The following RAP1GDS1 variants were observed in gnomAD, a reference collection of about 807,000 sequenced individuals.
The protein encoded by RAP1GDS1 is Rap1 GTPase-GDP dissociation stimulator 1.
RAP1GDS1 carries 35 observed loss-of-function variants against 71.1 expected under a neutral mutation model. That is an observed-to-expected ratio of 0.49 (90% CI 0.38 to 0.65). RAP1GDS1 has a LOEUF of 0.65. Ranked by LOEUF, RAP1GDS1 falls within the 30% of genes least tolerant of loss-of-function variation. RAP1GDS1 has a pLI of 0.00. For missense variants in RAP1GDS1, 663 were observed against 706.1 expected, an observed-to-expected ratio of 0.94 and a Z score of 0.69; for synonymous variants, 229 against 243.1, an observed-to-expected ratio of 0.94 and a Z score of 0.54.
intron 2 of RAP1GDS1, among the ~76,000 whole-genome samples, chr4:98,327,230 ATT>A (rs901736613): frequency 3.3e-5 from 5 of 152,214 alleles, no homozygotes; most frequent in Non-Finnish European, 7.3e-5. Flanking sequence ...CAGAAATGAT[ATT>A]TAGGAATAGG....
intron 3 of RAP1GDS1, among the ~76,000 whole-genome samples, chr4:98,352,016 A>ATATATT (rs1371692784): frequency 6.7e-6 from 1 of 150,254 alleles, no homozygotes; most frequent in Non-Finnish European, 1.5e-5. Context: ...ATATTTATAT[A>ATATATT]TATATTTATA....
intron 3 of RAP1GDS1, among the ~76,000 whole-genome samples, chr4:98,349,451 C>T (rs1259544987): frequency 1.3e-5 from 2 of 152,088 alleles, no homozygotes; most frequent in Non-Finnish European, 2.9e-5. Flanking sequence ...GCAATGTGGG[C>T]TCTTTTTTGG....
At chr4:98,265,793 ATAGT>A (rs1210002349) in intron 1 of RAP1GDS1, among the ~76,000 whole-genome samples, 1 of 152,126 alleles carries the variant, frequency 6.6e-6, no homozygotes, top group Non-Finnish European at 1.5e-5. Flanking sequence ...GAAAGAGTGA[ATAGT>A]TAATAAGGTC....
chr4:98,409,034 G>C (rs1298115739), intron 7 of RAP1GDS1, among the ~76,000 whole-genome samples: 3 of 151,960 alleles, frequency 2.0e-5, no homozygotes, highest in Non-Finnish European at 4.4e-5. Context: ...GTGCATTAAA[G>C]AGAATAAAAG....
intron 2 of RAP1GDS1, among the ~76,000 whole-genome samples, chr4:98,328,685 A>G (rs1473607438): frequency 2.0e-5 from 3 of 152,102 alleles, no homozygotes; most frequent in Admixed American, 6.5e-5. Flanking sequence ...ATCGTGATTT[A>G]TTTATTTAAT....
chr4:98,440,690 GTGT>G (rs373996919), intron 14 of RAP1GDS1, among the ~76,000 whole-genome samples: 30 of 151,984 alleles, frequency 2.0e-4, no homozygotes, highest in Admixed American at 1.4e-3. Context: ...GAATTGAAGG[GTGT>G]TGTTGTTGTT....
At chr4:98,397,693 G>T (rs1744749153) in intron 6 of RAP1GDS1, among the ~76,000 whole-genome samples, 1 of 152,204 alleles carries the variant, frequency 6.6e-6, no homozygotes. Context: ...ATGGCATCAA[G>T]ATTTCTAGAC....
chr4:98,418,773 A>G lies in RAP1GDS1; in HGVS notation c.1156A>G (p.Arg386Gly). Residue 386 changes from arginine (R) to glycine (G), a missense_variant, in exon 10 of 15, where the codon AGA becomes GGA. Physicochemically the swap from Arg to Gly is moderately radical, Grantham distance 125. Transcript: ENST00000408927. ...TVQHAALSAL[R>G]NLAIPVINKA... ...ACAGCATGCAGCACTAAGTGCCCTC[A>G]GAAACCTGGCCATTCCAGGTAAGAC... 5.0e-6 allele frequency: 8 copies of G among 1,596,690 alleles called. No individual in the cohort carries two copies. Among genetic ancestry groups the G allele is most frequent in the Non-Finnish European group, 6.8e-6 (8 of 1,173,236 alleles).
intron 1 of RAP1GDS1, among the ~76,000 whole-genome samples, chr4:98,264,269 G>T (rs1170668765): frequency 6.6e-6 from 1 of 152,206 alleles, no homozygotes; most frequent in African/African-American, 2.4e-5. Context: ...GGTGGCGGGC[G>T]CCTGTAATCC....
intron 1 of RAP1GDS1, among the ~76,000 whole-genome samples, chr4:98,281,732 A>T (rs1369813063): frequency 1.3e-5 from 2 of 152,172 alleles, no homozygotes; most frequent in Non-Finnish European, 2.9e-5. Flanking sequence ...TCAGTATGAT[A>T]TTGGCCGTGG....
At chr4:98,261,951 C>G (rs1026389824) in intron 1 of RAP1GDS1, among the ~76,000 whole-genome samples, 1 of 152,274 alleles carries the variant, frequency 6.6e-6, no homozygotes, top group African/African-American at 2.4e-5. Flanking sequence ...CCCGCGTGTA[C>G]TGAGCTCGAG....
At chr4:98,267,724 C>T (rs1722895735) in intron 1 of RAP1GDS1, among the ~76,000 whole-genome samples, 1 of 152,124 alleles carries the variant, frequency 6.6e-6, no homozygotes, top group Admixed American at 6.5e-5. Flanking sequence ...ATATGTGTCA[C>T]ATTTTCTTTA....
intron 4 of RAP1GDS1, among the ~76,000 whole-genome samples, chr4:98,375,552 A>G (rs775930373): frequency 2.0e-5 from 3 of 152,224 alleles, no homozygotes; most frequent in Non-Finnish European, 4.4e-5. Flanking sequence ...ATTAAAAGCC[A>G]GGCTAAGAAT....
At chr4:98,413,570 T>C (rs1290987750) in intron 7 of RAP1GDS1, among the ~76,000 whole-genome samples, 5 of 152,090 alleles carry the variant, frequency 3.3e-5, no homozygotes, top group Non-Finnish European at 7.4e-5. Flanking sequence ...TATGGCTGCA[T>C]AGTATTCCAT....
chr4:98,343,363 A>G, intron 3 of RAP1GDS1, 102 bp downstream of exon 3: 2 of 1,371,870 alleles, frequency 1.5e-6, no homozygotes, highest in Non-Finnish European at 2.0e-6. Flanking sequence ...TGTAGATTAG[A>G]CATTTTTTAT....
At chr4:98,434,192 A>T in intron 13 of RAP1GDS1, 130 bp downstream of exon 13, 1 of 1,107,650 alleles carries the variant, frequency 9.0e-7, no homozygotes, top group Non-Finnish European at 1.3e-6. Context: ...CGTTCTCTGA[A>T]TCTATGGAAA....
chr4:98,277,098 A>G (rs1724327336), intron 1 of RAP1GDS1, among the ~76,000 whole-genome samples: 1 of 152,124 alleles, frequency 6.6e-6, no homozygotes, highest in South Asian at 2.1e-4. Context: ...CCAATTTGTT[A>G]CTGAAAAAAA....
intron 2 of RAP1GDS1, among the ~76,000 whole-genome samples, chr4:98,295,695 C>T (rs1727637028): frequency 3.3e-5 from 5 of 152,014 alleles, no homozygotes; most frequent in Admixed American, 2.0e-4. Context: ...TTGCTGAGTT[C>T]ATGTAATGTG....
At chr4:98,320,642 C>T (rs1283412834) in intron 2 of RAP1GDS1, among the ~76,000 whole-genome samples, 7 of 151,234 alleles carry the variant, frequency 4.6e-5, no homozygotes, top group Non-Finnish European at 1.0e-4. Context: ...AACTGGGAGG[C>T]ACCCCCCAGC....
Sources: allele counts gnomAD v4.1 joint callset (sites outside exome capture counted in the v4.1 genomes callset), GRCh38; gene constraint gnomAD v4.1.1; transcripts MANE v1.5; gene names NCBI Gene and HGNC (gene_info 2026-07-23, HGNC 2026-07-21).